ALK: variants seen among roughly 807,000 people sequenced by gnomAD.
ALK encodes ALK receptor tyrosine kinase, also known as ALK tyrosine kinase receptor.
In ALK, 74 loss-of-function variants were observed where a neutral mutation model predicts 163.1. The ratio of observed to expected loss-of-function variants is 0.45; its 90% CI spans 0.38 to 0.55. The LOEUF (loss-of-function observed/expected upper bound fraction) is 0.55. Ranked by LOEUF, ALK falls within the 20% of genes least tolerant of loss-of-function variation. The pLI is 0.00. For missense variants in ALK, 2,063 were observed against 2,105.3 expected (o/e 0.98, Z 0.39); for synonymous variants, 960 against 843.2 (o/e 1.14, Z -2.40).
intron 5 of ALK, among the ~76,000 whole-genome samples, chr2:29,344,452 A>C (rs1380356449): frequency 6.6e-6 from 1 of 152,108 alleles, no homozygotes; most frequent in Admixed American, 6.5e-5. Flanking sequence ...TGCATGTAAG[A>C]AGTTTGACTC....
chr2:29,215,032 C>T (rs949763811), intron 23 of ALK, among the ~76,000 whole-genome samples: 4 of 152,192 alleles, frequency 2.6e-5, no homozygotes, highest in African/African-American at 9.7e-5. Context: ...CACATACCTC[C>T]CCAAGAAAGC....
At chr2:29,889,015 C>A in intron 1 of ALK, among the ~76,000 whole-genome samples, 1 of 152,074 alleles carries the variant, frequency 6.6e-6, no homozygotes, top group East Asian at 1.9e-4. Flanking sequence ...ACTGAATCAA[C>A]TGTGGGAGCA....
At chr2:29,616,683 A>G (rs1320564127) in intron 3 of ALK, among the ~76,000 whole-genome samples, 2 of 152,190 alleles carry the variant, frequency 1.3e-5, no homozygotes, top group Non-Finnish European at 2.9e-5. Flanking sequence ...GCAAAATATC[A>G]GACTCCTCCT....
intron 7 of ALK, among the ~76,000 whole-genome samples, 165 bp from the exon 8 acceptor site, chr2:29,318,569 C>CTTT (rs71403658): frequency 7.0e-6 from 1 of 142,324 alleles, no homozygotes; most frequent in South Asian, 2.3e-4. Context: ...TCAACAATTT[C>CTTT]TTTTTTTTTT....
At chr2:29,440,094 C>T (rs529918788) in intron 4 of ALK, among the ~76,000 whole-genome samples, 78 of 151,844 alleles carry the variant, frequency 5.1e-4, no homozygotes, top group African/African-American at 1.7e-3. Context: ...ATTAGCCGGA[C>T]GTACTGGTGA....
In ALK at chr2:29,227,239, TAG is replaced by T. The variant is rs991188526; in HGVS notation, c.2915-167_2915-166del. 1.1e-4 allele frequency among the ~76,000 whole-genome samples: 17 copies of T among 152,070 alleles called. No individual in the cohort carries two copies. Among genetic ancestry groups the T allele is most frequent in the Non-Finnish European group, 2.2e-4 (15 of 68,010 alleles). ...GTGTAGAAGAGTCTTCCTGTGCATA[TAG>T]AGAGTGCAGCGGAGGCAGCGGGCAT... On this transcript the variant is annotated intron_variant, in intron 17 of 28. Transcript: ENST00000389048. The surrounding 1 kb of genome is among the most constrained non-coding windows in gnomAD (Gnocchi z 4.4).
intron 11 of ALK, among the ~76,000 whole-genome samples, chr2:29,273,293 T>A (rs555230806): frequency 6.6e-6 from 1 of 152,244 alleles, no homozygotes; most frequent in Admixed American, 6.5e-5. Flanking sequence ...TCTGCCTCCA[T>A]GAGTCTGCCT....
intron 15 of ALK, among the ~76,000 whole-genome samples, chr2:29,230,483 A>G (rs2148181873): frequency 6.6e-6 from 1 of 152,266 alleles, no homozygotes; most frequent in Admixed American, 6.5e-5. Context: ...CCGGAACCCT[A>G]CGGGTGAACC....
chr2:29,393,032 T>A (rs1378302597), intron 4 of ALK, among the ~76,000 whole-genome samples: 2 of 152,202 alleles, frequency 1.3e-5, no homozygotes, highest in East Asian at 3.8e-4. Context: ...TCACTGAATG[T>A]TCAAGGTCAC....
intron 2 of ALK, among the ~76,000 whole-genome samples, chr2:29,700,357 C>T (rs1678696637): frequency 6.6e-6 from 1 of 152,094 alleles, no homozygotes; most frequent in South Asian, 2.1e-4. Context: ...TCAGCCTGAC[C>T]AAAATGGAGA....
intron 3 of ALK, among the ~76,000 whole-genome samples, chr2:29,690,573 C>G (rs1678367206): frequency 6.6e-6 from 1 of 152,122 alleles, no homozygotes. Context: ...CAACATGGCC[C>G]CTGGCACTTC....
chr2:29,263,331 A>G (rs1386726064), intron 11 of ALK, among the ~76,000 whole-genome samples: 1 of 152,162 alleles, frequency 6.6e-6, no homozygotes, highest in African/African-American at 2.4e-5. Context: ...CCCTCACTCT[A>G]TTCTAAGTCA....
At chr2:29,600,711 G>T (rs1675358454) in intron 3 of ALK, among the ~76,000 whole-genome samples, 1 of 152,196 alleles carries the variant, frequency 6.6e-6, no homozygotes, top group Admixed American at 6.5e-5. Context: ...ATTGAACTTT[G>T]TGGGAGCCAA....
chr2:29,689,055 A>G (rs1036527299), intron 3 of ALK, among the ~76,000 whole-genome samples: 2 of 152,144 alleles, frequency 1.3e-5, no homozygotes, highest in African/African-American at 4.8e-5. Context: ...GCCTGTCCTC[A>G]TCTATGAGGA....
chr2:29,701,374 TG>T (rs1277779275), intron 2 of ALK, among the ~76,000 whole-genome samples: 1 of 152,034 alleles, frequency 6.6e-6, no homozygotes, highest in Non-Finnish European at 1.5e-5. Flanking sequence ...AGTTTCCAGG[TG>T]AATGTAGGGT....
At chr2:29,411,664 GTTC>G (rs1669727982) in intron 4 of ALK, among the ~76,000 whole-genome samples, 1 of 152,108 alleles carries the variant, frequency 6.6e-6, no homozygotes, top group Non-Finnish European at 1.5e-5. Flanking sequence ...TTTCTTGGGA[GTTC>G]TTCTTTTCCT....
chr2:29,246,500 TG>T lies in ALK; in HGVS notation c.2204+4604del, dbSNP rs1482462844. On this transcript the variant is annotated intron_variant, in intron 12 of 28. Coordinates refer to ENST00000389048, the MANE Select transcript of ALK (RefSeq NM_004304.5). This position sits in a 1 kb window ranked among gnomAD's most constrained non-coding sequence, Gnocchi z 4.3. ...CCAGCCACCCACCCTCTAGACACCA[TG>T]GTTACTCAGCACCACGGCCCAGAGG... 6.6e-6 allele frequency among the ~76,000 whole-genome samples: 1 copy of T among 152,152 alleles called. No individual in the cohort carries two copies. Among genetic ancestry groups the T allele is most frequent in the Non-Finnish European group, 1.5e-5 (1 of 68,022 alleles).
intron 1 of ALK, among the ~76,000 whole-genome samples, chr2:29,816,812 G>A (rs888061872): frequency 4.6e-5 from 7 of 152,162 alleles, no homozygotes; most frequent in Non-Finnish European, 8.8e-5. Flanking sequence ...CCAGCCTGAC[G>A]GGATGTGATG....
At chr2:29,871,896 G>T (rs867926302) in intron 1 of ALK, among the ~76,000 whole-genome samples, 1 of 152,174 alleles carries the variant, frequency 6.6e-6, no homozygotes, top group African/African-American at 2.4e-5. Context: ...TTACCTGCCC[G>T]ATCAGGTGAG....
Sources: gnomAD v4.1 joint callset for allele counts (sites outside exome capture counted in the v4.1 genomes callset) on GRCh38, gnomAD v4.1.1 for gene constraint, Gnocchi (gnomAD v3.1) non-coding constraint, MANE v1.5 for transcripts, NCBI Gene and HGNC (gene_info 2026-07-23, HGNC 2026-07-21) for gene names.